The following ALK variants were observed in gnomAD, a reference collection of about 807,000 sequenced individuals.
ALK encodes the protein ALK receptor tyrosine kinase, also known as ALK tyrosine kinase receptor.
A neutral mutation model predicts 163.1 loss-of-function variants in ALK; 74 were observed. The ratio of observed to expected loss-of-function variants is 0.45; its 90% CI spans 0.38 to 0.55. The LOEUF is 0.55. ALK is among the 20% of genes least tolerant of loss of function. The pLI, the probability that ALK is intolerant of heterozygous loss-of-function variation, is 0.00. For synonymous variants in ALK, 960 were observed against 843.2 expected (o/e 1.14, Z -2.40); for missense variants, 2,063 against 2,105.3 (o/e 0.98, Z 0.39).
chr2:29,789,014 A>AGTGTGTGT (rs1558488881), intron 1 of ALK, among the ~76,000 whole-genome samples: 138 of 15,744 alleles, frequency 8.8e-3, no homozygotes, highest in African/African-American at 0.012. Flanking sequence ...ATCCTGGTAC[A>AGTGTGTGT]CTGTGTGTGT....
intron 1 of ALK, among the ~76,000 whole-genome samples, chr2:29,841,234 G>C (rs972919949): frequency 6.6e-6 from 1 of 152,132 alleles, no homozygotes; most frequent in African/African-American, 2.4e-5. Flanking sequence ...GAGATATTAA[G>C]CAATTTTTTC....
At chr2:29,628,223 A>G (rs975753582) in intron 3 of ALK, among the ~76,000 whole-genome samples, 2 of 152,178 alleles carry the variant, frequency 1.3e-5, no homozygotes, top group African/African-American at 4.8e-5. Flanking sequence ...TAGGCCTTTT[A>G]TGATTCACTG....
At position 29,748,619 on chromosome 2, in the gene ALK, G is replaced by A. The variant is rs536020536; in HGVS notation, c.668-30922C>T. On this transcript the variant is annotated intron_variant, in intron 1 of 28. Coordinates refer to ENST00000389048, the MANE Select transcript of ALK (RefSeq NM_004304.5). ...GCATGTTGAACAGACACAATCCCAG[G>A]TCACCAACCTCAAAGGTTTTGATTC... Among the ~76,000 whole-genome samples the A allele has an allele frequency of 2.0e-5, 3 of 152,240 alleles. No homozygotes were observed. In the South Asian group the frequency reaches 6.2e-4, roughly 32 times the overall value.
intron 8 of ALK, among the ~76,000 whole-genome samples, chr2:29,301,264 C>A (rs6547918): frequency 0.73 from 111,667 of 152,046 alleles, 42,299 homozygotes; most frequent in East Asian, 0.83. Context: ...TTTCAGGAGG[C>A]CTTTTTCTTT....
rs1669035172 is a variant in ALK, at chr2:29,196,835, G to T, written c.4099C>A (p.Gln1367Lys). Reference sequence around the variant, plus strand: ...TTGGGCCTGTCTTCAGGCTGATGTTGCCAGCACTGAGTCATTATCCGGTAT... The same window carrying T: ...TTGGGCCTGTCTTCAGGCTGATGTTTCCAGCACTGAGTCATTATCCGGTAT... ...PVYRIMTQCWQHQPEDRPNFA... is the reference protein window; with the variant it reads ...PVYRIMTQCWKHQPEDRPNFA... The change falls in exon 28 of 29, where the codon CAA becomes AAA. Residue 1367 changes from glutamine to lysine, a missense_variant. Around this residue, in one of 5 missense-constraint regions of ALK, gnomAD observed 403 missense variants for 366.2 expected, o/e 1.10. Coordinates refer to ENST00000389048, the MANE Select transcript of ALK (RefSeq NM_004304.5). 1 of 1,613,910 alleles carries T rather than the reference G, an allele frequency of 6.2e-7. No individual in the cohort carries two copies. Among genetic ancestry groups the T allele is most frequent in the Non-Finnish European group, 8.5e-7 (1 of 1,179,786 alleles).
intron 4 of ALK, among the ~76,000 whole-genome samples, chr2:29,461,909 G>C (rs1671093770): frequency 6.6e-6 from 1 of 152,130 alleles, no homozygotes; most frequent in African/African-American, 2.4e-5. Context: ...ACCATTCTAG[G>C]TGTCATTAAG....
chr2:29,685,671 C>T (rs1371729918), intron 3 of ALK, among the ~76,000 whole-genome samples: 1 of 152,124 alleles, frequency 6.6e-6, no homozygotes, highest in Non-Finnish European at 1.5e-5. Context: ...GTCAATTTTC[C>T]TGCCGACTTG....
chr2:29,461,173 T>C (rs573659319), intron 4 of ALK, among the ~76,000 whole-genome samples: 7 of 152,258 alleles, frequency 4.6e-5, no homozygotes, highest in South Asian at 2.1e-4. Context: ...GAAGAAAAGT[T>C]TGAAGCTAGC....
At chr2:29,839,263 C>A (rs1665640031) in intron 1 of ALK, among the ~76,000 whole-genome samples, 1 of 152,054 alleles carries the variant, frequency 6.6e-6, no homozygotes, top group African/African-American at 2.4e-5. Flanking sequence ...CTTGCGTGTT[C>A]TAATCTCCCT....
intron 4 of ALK, among the ~76,000 whole-genome samples, chr2:29,516,832 G>A (rs1672680095): frequency 6.6e-6 from 1 of 152,242 alleles, no homozygotes; most frequent in African/African-American, 2.4e-5. Flanking sequence ...GTTGTTATTT[G>A]ACAGCAATGA....
At chr2:29,569,973 G>A (rs1359128485) in intron 3 of ALK, among the ~76,000 whole-genome samples, 1 of 152,146 alleles carries the variant, frequency 6.6e-6, no homozygotes, top group East Asian at 1.9e-4. Flanking sequence ...CACCCTAGTA[G>A]GATAAGAAAT....
chr2:29,575,023 G>A (rs145319160), intron 3 of ALK, among the ~76,000 whole-genome samples: 49 of 152,248 alleles, frequency 3.2e-4, no homozygotes, highest in South Asian at 8.3e-4. Flanking sequence ...ACACAGCCCC[G>A]TTTCCTCCTG....
At chr2:29,504,083 G>A (rs1006436181) in intron 4 of ALK, among the ~76,000 whole-genome samples, 4 of 152,094 alleles carry the variant, frequency 2.6e-5, no homozygotes, top group Non-Finnish European at 5.9e-5. Context: ...ACAACACTGA[G>A]ACAGAGGAAA....
chr2:29,731,951 T>C (rs1285736112), intron 1 of ALK, among the ~76,000 whole-genome samples: 1 of 152,188 alleles, frequency 6.6e-6, no homozygotes, highest in Non-Finnish European at 1.5e-5. Context: ...TTTCTCATAC[T>C]CAGCAGTGGG....
At chr2:29,423,457 C>A (rs1172975641) in intron 4 of ALK, among the ~76,000 whole-genome samples, 1 of 152,226 alleles carries the variant, frequency 6.6e-6, no homozygotes, top group Non-Finnish European at 1.5e-5. Flanking sequence ...TTAGATCACG[C>A]CACAGGTGGC....
At chr2:29,410,871 G>A (rs1669709420) in intron 4 of ALK, among the ~76,000 whole-genome samples, 1 of 152,106 alleles carries the variant, frequency 6.6e-6, no homozygotes, top group Admixed American at 6.5e-5. Context: ...TGGACACTTA[G>A]GCTACACTGA....
chr2:29,917,544 C>T (rs1358408131), intron 1 of ALK, among the ~76,000 whole-genome samples: 1 of 152,176 alleles, frequency 6.6e-6, no homozygotes, highest in East Asian at 1.9e-4. Flanking sequence ...CATGGTATAG[C>T]AAGGTGTATC....
chr2:29,727,318 C>G (rs1679602971), intron 1 of ALK, among the ~76,000 whole-genome samples: 2 of 152,172 alleles, frequency 1.3e-5, no homozygotes, highest in Middle Eastern at 3.2e-3. Flanking sequence ...CTACTTGTCA[C>G]CCCTGTCATT....
intron 1 of ALK, among the ~76,000 whole-genome samples, chr2:29,778,505 T>C (rs1313696151): frequency 6.6e-6 from 1 of 152,174 alleles, no homozygotes; most frequent in East Asian, 1.9e-4. Context: ...GCCGCCATCA[T>C]GCGTGGGTGC....
Sources: gnomAD v4.1 joint callset for allele counts (sites outside exome capture counted in the v4.1 genomes callset) on GRCh38, gnomAD v4.1.1 for gene constraint, gnomAD v4.1.1 regional missense constraint, MANE v1.5 for transcripts, NCBI Gene and HGNC (gene_info 2026-07-23, HGNC 2026-07-21) for gene names.